Variants in CDH18 observed in about 807,000 individuals in gnomAD.
The protein encoded by CDH18 is cadherin 18, also known as cadherin-18.
CDH18 carries 31 observed loss-of-function variants against 67.9 expected under a neutral mutation model. The observed-to-expected ratio is 0.46, with a 90% CI of 0.34 to 0.62. The LOEUF (loss-of-function observed/expected upper bound fraction) is 0.62, where lower values mean the gene tolerates loss of function less well. Among genes scored for constraint, CDH18 ranks in the 20% least tolerant of loss-of-function variants. CDH18 has a pLI of 0.01. For synonymous variants in CDH18, 362 were observed against 347.2 expected, an observed-to-expected ratio of 1.04 and a Z score of -0.48; for missense variants, 890 against 975.5, an observed-to-expected ratio of 0.91 and a Z score of 1.17.
rs188623485 is a variant in CDH18, at chr5:20,437,657, G to A, written c.-580+137805C>T. ...GTGAATAGCCTTAAAATAAATGAAC[G>A]TTCTGCTGAAAGCAACACAATTCAG... On this transcript the variant is annotated intron_variant, in intron 1 of 14. Transcript: ENST00000507958. Among the ~76,000 whole-genome samples, 19 of 151,418 alleles carry A rather than the reference G, an allele frequency of 1.3e-4. 1 individual carries two copies. The highest frequency in any genetic ancestry group is 3.9e-4 in the African/African-American group (16 of 41,280).
Position 19,747,108 on chromosome 5 carries a change from C to T in CDH18, c.357G>A (p.Glu119=), listed in dbSNP as rs200449123. ...CATGAAGCACATAGTGGGTCTTCTG[C>T]TCTCTGTCTAGGCTTTTTGTTGAGT... The part of the protein sequence containing the change: ...DIHSTKSLDR[E]QKTHYVLHAQ... Residue 119 remains glutamate, a synonymous_variant, in exon 4 of 13, where the codon GAG becomes GAA. Transcript: ENST00000382275. 28 of 1,614,062 alleles carry T rather than the reference C, an allele frequency of 1.7e-5. No individual in the cohort carries two copies. The East Asian group carries it at 5.3e-4, about 31-fold the overall frequency.
chr5:20,450,731 C>T (rs552843201), intron 1 of CDH18, among the ~76,000 whole-genome samples: 2 of 152,136 alleles, frequency 1.3e-5, no homozygotes, highest in African/African-American at 2.4e-5. Context: ...TCTCTAGCAC[C>T]TCACACTACA....
intron 1 of CDH18, among the ~76,000 whole-genome samples, chr5:20,524,509 TATC>T (rs1755927898): frequency 6.6e-6 from 1 of 152,174 alleles, no homozygotes; most frequent in Non-Finnish European, 1.5e-5. Flanking sequence ...ATGTGTACAT[TATC>T]ATTATTTAAT....
chr5:19,920,419 C>T (rs1792300758), intron 2 of CDH18, among the ~76,000 whole-genome samples: 1 of 151,776 alleles, frequency 6.6e-6, no homozygotes, highest in African/African-American at 2.4e-5. Flanking sequence ...TCACTACCAT[C>T]AATTCCTTTA....
chr5:19,719,189 A>C (rs1765701859), intron 5 of CDH18, among the ~76,000 whole-genome samples: 1 of 152,078 alleles, frequency 6.6e-6, no homozygotes, highest in Non-Finnish European at 1.5e-5. Flanking sequence ...AATTTTATAC[A>C]GGCTGTTTAT....
intron 2 of CDH18, among the ~76,000 whole-genome samples, chr5:20,123,986 C>T (rs1200935331): frequency 6.6e-6 from 1 of 151,212 alleles, no homozygotes; most frequent in Non-Finnish European, 1.5e-5. Flanking sequence ...GAGAAACAGA[C>T]ATGAACATAC....
intron 2 of CDH18, among the ~76,000 whole-genome samples, chr5:19,908,636 T>C (rs997405616): frequency 1.3e-5 from 2 of 152,196 alleles, no homozygotes; most frequent in African/African-American, 4.8e-5. Context: ...CAACTATTCC[T>C]TATACAGTAT....
chr5:19,472,530 G>A lies in CDH18; in HGVS notation c.*696C>T, dbSNP rs1046830839. On this transcript the variant is annotated 3_prime_UTR_variant, in exon 13 of 13. Transcript: ENST00000382275. ...CCCATTAAAATAAAAGGGGGTGTAC[G>A]GGATAGAGACAATAGTCTCGTGCTC... 5.3e-5 allele frequency among the ~76,000 whole-genome samples: 8 copies of A among 152,000 alleles called. No individual in the cohort carries two copies. Among genetic ancestry groups the A allele is most frequent in the Admixed American group, 2.0e-4 (3 of 15,234 alleles).
At chr5:20,101,042 T>G (rs1015346410) in intron 2 of CDH18, among the ~76,000 whole-genome samples, 1 of 152,076 alleles carries the variant, frequency 6.6e-6, no homozygotes, top group Non-Finnish European at 1.5e-5. Flanking sequence ...AGCCTCAACC[T>G]CTGGGCTCAA....
chr5:19,701,909 G>A (rs944496901), intron 5 of CDH18, among the ~76,000 whole-genome samples: 8 of 152,136 alleles, frequency 5.3e-5, no homozygotes, highest in East Asian at 3.9e-4. Context: ...ATACATCTAC[G>A]GAATGCATGC....
chr5:20,206,448 A>T (rs2085654313), intron 2 of CDH18, among the ~76,000 whole-genome samples: 1 of 151,968 alleles, frequency 6.6e-6, no homozygotes, highest in Non-Finnish European at 1.5e-5. Flanking sequence ...TTCAAAAAAA[A>T]ATTAAAGCTT....
chr5:19,784,994 TTCTGTC>T (rs2149792768), intron 3 of CDH18, among the ~76,000 whole-genome samples: 1 of 152,218 alleles, frequency 6.6e-6, no homozygotes, highest in Non-Finnish European at 1.5e-5. Flanking sequence ...ACCTGTAAGC[TTCTGTC>T]CCCCAGTCCT....
At chr5:19,710,188 T>C (rs542799867) in intron 5 of CDH18, among the ~76,000 whole-genome samples, 1 of 152,238 alleles carries the variant, frequency 6.6e-6, no homozygotes, top group South Asian at 2.1e-4. Flanking sequence ...TATTCAGACA[T>C]TCAGCCTTTC....
intron 11 of CDH18, among the ~76,000 whole-genome samples, chr5:19,488,126 G>GTTT (rs1310389389): frequency 6.6e-6 from 1 of 152,082 alleles, no homozygotes; most frequent in Non-Finnish European, 1.5e-5. Context: ...AGACCTTGCA[G>GTTT]GATAGACTTT....
chr5:19,911,851 T>A (rs550176110), intron 2 of CDH18, among the ~76,000 whole-genome samples: 1 of 152,220 alleles, frequency 6.6e-6, no homozygotes, highest in African/African-American at 2.4e-5. Flanking sequence ...AGTTTCAAAG[T>A]GTTATTTTTA....
chr5:20,111,133 A>G (rs1240483323), intron 2 of CDH18, among the ~76,000 whole-genome samples: 4 of 152,186 alleles, frequency 2.6e-5, no homozygotes, highest in African/African-American at 9.6e-5. Context: ...AGTTTATGTA[A>G]TAGTGAAACT....
Position 19,714,018 on chromosome 5 carries a change from T to C in CDH18, c.643+7329A>G, listed in dbSNP as rs1002328313. Among the ~76,000 whole-genome samples the C allele has an allele frequency of 2.0e-5, 3 of 152,274 alleles. No individual in the cohort carries two copies. The South Asian group carries it at 6.2e-4, about 32-fold the overall frequency. On this transcript the variant is annotated intron_variant, in intron 5 of 12. Coordinates refer to ENST00000382275, the MANE Select transcript of CDH18 (RefSeq NM_004934.5). ...CACAAAGGTCCCAGGTATCAGTTAG[T>C]GCAGGGCATGCATCTGAATATAAAA...
At chr5:20,412,696 AAAG>A (rs1746894469) in intron 1 of CDH18, among the ~76,000 whole-genome samples, 1 of 152,224 alleles carries the variant, frequency 6.6e-6, no homozygotes, top group Non-Finnish European at 1.5e-5. Context: ...ACACGTCTCA[AAAG>A]AAGACGTACA....
At chr5:19,850,794 G>A (rs1783590317) in intron 2 of CDH18, among the ~76,000 whole-genome samples, 2 of 151,766 alleles carry the variant, frequency 1.3e-5, no homozygotes, top group Admixed American at 6.6e-5. Context: ...AATTTTCTGA[G>A]GTGGCTTAGA....
Sources: allele counts gnomAD v4.1 joint callset (sites outside exome capture counted in the v4.1 genomes callset), GRCh38; gene constraint gnomAD v4.1.1; transcripts MANE v1.5; gene names NCBI Gene and HGNC (gene_info 2026-07-23, HGNC 2026-07-21).